Variants in TBK1 observed in about 807,000 individuals in gnomAD.
The protein encoded by TBK1 is TANK binding kinase 1, also known as serine/threonine-protein kinase TBK1.
A neutral mutation model predicts 99.9 loss-of-function variants in TBK1; 37 were observed. That is an observed-to-expected ratio of 0.37 (90% confidence interval 0.28 to 0.49). The LOEUF is 0.49. Among genes scored for constraint, TBK1 ranks in the 20% least tolerant of loss-of-function variants. The pLI is 0.98. For missense variants in TBK1, 644 were observed against 872.5 expected, an observed-to-expected ratio of 0.74 and a Z score of 3.30; for synonymous variants, 258 against 279.8, an observed-to-expected ratio of 0.92 and a Z score of 0.78.
chr12:64,481,227 A>G (rs2040764897), intron 7 of TBK1, among the ~76,000 whole-genome samples: 1 of 152,136 alleles, frequency 6.6e-6, no homozygotes, highest in Non-Finnish European at 1.5e-5. Context: ...GAAAATGAAC[A>G]CTTGCTGGTA....
chr12:64,481,126 AATATT>A (rs1468334403), intron 7 of TBK1, among the ~76,000 whole-genome samples: 1 of 152,160 alleles, frequency 6.6e-6, no homozygotes, highest in Non-Finnish European at 1.5e-5. Context: ...GTAGAAATTT[AATATT>A]ATAACTGTGA....
chr12:64,483,554 GTTA>G lies in TBK1; in HGVS notation c.993-743_993-741del, dbSNP rs2040788513. 3.3e-5 allele frequency among the ~76,000 whole-genome samples: 5 copies of G among 152,190 alleles called. No individual in the cohort carries two copies. In the South Asian group the frequency reaches 1.0e-3, roughly 32 times the overall value. On this transcript the variant is annotated intron_variant, in intron 8 of 20. Transcript: ENST00000331710. Reference sequence around the variant, plus strand: ...ACAACAATTCTGTGAAGTGGGTACTGTTATTATTTCCATTTTACTGATGAGGAA... The same window carrying G: ...ACAACAATTCTGTGAAGTGGGTACTGTTATTTCCATTTTACTGATGAGGAA...
intron 6 of TBK1, among the ~76,000 whole-genome samples, chr12:64,478,005 C>T (rs766753761): frequency 3.3e-5 from 5 of 152,238 alleles, no homozygotes; most frequent in Non-Finnish European, 5.9e-5. Context: ...CATGAGAAGG[C>T]CAGACCACAT....
intron 1 of TBK1, among the ~76,000 whole-genome samples, chr12:64,453,632 C>A (rs146253833): frequency 6.1e-4 from 93 of 152,314 alleles, no homozygotes; most frequent in African/African-American, 2.2e-3. Flanking sequence ...GTCATTAATT[C>A]ATCACAGAAT....
chr12:64,485,250 G>GA (rs1382586925), intron 9 of TBK1, among the ~76,000 whole-genome samples: 1 of 152,060 alleles, frequency 6.6e-6, no homozygotes, highest in Non-Finnish European at 1.5e-5. Context: ...TATATTTAAG[G>GA]AAAAAATGAA....
rs2040949036 is a variant in TBK1 at position 64,498,120 on chromosome 12, A to G, written c.2138+81A>G. 4.9e-6 allele frequency: 6 copies of G among 1,217,582 alleles called. No individual in the cohort carries two copies. The South Asian group carries it at 5.3e-5, about 11-fold the overall frequency. 75.4% of individuals were successfully genotyped at this position (1,217,582 alleles called of 1,614,324 possible). On this transcript the variant is annotated intron_variant, in intron 20 of 20. Coordinates refer to ENST00000331710, the MANE Select transcript of TBK1 (RefSeq NM_013254.4). ...TCTGTACTTATATCTTCCTGTATCAATAGATTCAGCAGTGGTAAAGGGTCA... is the reference window on the plus strand; with the variant it reads ...TCTGTACTTATATCTTCCTGTATCAGTAGATTCAGCAGTGGTAAAGGGTCA...
intron 13 of TBK1, among the ~76,000 whole-genome samples, chr12:64,495,010 CAG>C (rs1236371567): frequency 1.3e-5 from 2 of 152,156 alleles, no homozygotes; most frequent in East Asian, 3.8e-4. Flanking sequence ...TTAAAATGAA[CAG>C]AATCTTAGAT....
At position 64,480,130 on chromosome 12, in the gene TBK1, T is replaced by C; in HGVS notation, c.812+8T>C. ...TTCTTGCAGTCTTTCTCGGTAAGTA[T>C]GGTGTACCTAATTCTCATCTTTTGC... On this transcript the variant is annotated splice_region_variant and intron_variant, in intron 7 of 20. Transcript: ENST00000331710. 1.2e-6 allele frequency: 2 copies of C among 1,602,884 alleles called. No homozygotes were observed. The highest frequency in any genetic ancestry group is 2.2e-5 in the East Asian group (1 of 44,720).
chr12:64,492,815 T>C (rs1336244394), intron 13 of TBK1, among the ~76,000 whole-genome samples: 4 of 151,604 alleles, frequency 2.6e-5, no homozygotes, highest in African/African-American at 9.7e-5. Context: ...CTCCACCTCC[T>C]GGGTTCAAGT....
At chr12:64,496,134 G>C (rs2040922744) in intron 15 of TBK1, among the ~76,000 whole-genome samples, 1 of 152,054 alleles carries the variant, frequency 6.6e-6, no homozygotes, top group Non-Finnish European at 1.5e-5. Flanking sequence ...TAGAAATACA[G>C]AATTTGTTAG....
rs1565824235 is a variant in TBK1 at position 64,495,774 on chromosome 12, T to C, written c.1719T>C (p.Arg573=). 1 of 1,567,880 alleles carries C rather than the reference T, an allele frequency of 6.4e-7. No homozygotes were observed. The highest frequency in any genetic ancestry group is 8.6e-7 in the Non-Finnish European group (1 of 1,161,766). The change falls in exon 15 of 21, where the codon CGT becomes CGC. Residue 573 remains arginine (R), a splice_region_variant and synonymous_variant. Coordinates refer to ENST00000331710, the MANE Select transcript of TBK1 (RefSeq NM_013254.4). ...AGTTCAAAAAAGACAAAGCAGAACGTAGTAAGTAAAATTTGCTATTTGTTA... is the reference window on the plus strand; with the variant it reads ...AGTTCAAAAAAGACAAAGCAGAACGCAGTAAGTAAAATTTGCTATTTGTTA... ...YYQFKKDKAE[R]RLAYNEEQIH... is the part of the protein sequence containing the mutation.
At chr12:64,455,793 T>TC in intron 1 of TBK1, 47 bp from the exon 2 acceptor site, 2 of 940,366 alleles carry the variant, frequency 2.1e-6, no homozygotes, top group Non-Finnish European at 3.3e-6. Flanking sequence ...GTTTCTTAGC[T>TC]GTGTTACTCC....
intron 6 of TBK1, among the ~76,000 whole-genome samples, chr12:64,477,189 T>C (rs2040722456): frequency 6.6e-6 from 1 of 152,248 alleles, no homozygotes. Context: ...AATAGTTTTT[T>C]CTAATTCTGT....
At chr12:64,493,064 T>G (rs2040887365) in intron 13 of TBK1, among the ~76,000 whole-genome samples, 1 of 151,762 alleles carries the variant, frequency 6.6e-6, no homozygotes, top group Admixed American at 6.6e-5. Flanking sequence ...CCCGGCTAAT[T>G]TTTGCATTTT....
intron 8 of TBK1, 71 bp from the exon 9 acceptor site, chr12:64,484,232 C>G: frequency 1.1e-6 from 1 of 951,334 alleles, no homozygotes; most frequent in Non-Finnish European, 1.6e-6. Flanking sequence ...GATGTTGTTG[C>G]ACTCATTTAA....
rs150911124 is a variant in TBK1 at position 64,452,939 on chromosome 12, G to A, written c.-32+752G>A. Reference sequence around the variant, plus strand: ...AAACCCCAGTGTATGAATCACATAGGGGCAGAGTTTAGAAATCCTGGAACT... The same window carrying A: ...AAACCCCAGTGTATGAATCACATAGAGGCAGAGTTTAGAAATCCTGGAACT... On this transcript the variant is annotated intron_variant, in intron 1 of 20. Coordinates refer to ENST00000331710, the MANE Select transcript of TBK1 (RefSeq NM_013254.4). 2.3e-3 allele frequency: 344 copies of A among 152,248 alleles called. 1 individual carries two copies. The highest frequency in any genetic ancestry group is 7.9e-3 in the African/African-American group (328 of 41,536). 9.4% of individuals were successfully genotyped at this position (152,248 alleles called of 1,614,324 possible).
chr12:64,454,665 C>T (rs556806190), intron 1 of TBK1, among the ~76,000 whole-genome samples: 20 of 136,676 alleles, frequency 1.5e-4, no homozygotes, highest in African/African-American at 4.8e-4. Flanking sequence ...TTGCTAGAAA[C>T]TCAGATCTTT....
At chr12:64,499,420 T>G (rs1041430184) in intron 20 of TBK1, among the ~76,000 whole-genome samples, 5 of 152,144 alleles carry the variant, frequency 3.3e-5, no homozygotes, top group African/African-American at 9.7e-5. Flanking sequence ...ATTGAATGTA[T>G]AACATCTTTT....
intron 5 of TBK1, among the ~76,000 whole-genome samples, chr12:64,472,227 A>G (rs1195890590): frequency 6.6e-6 from 1 of 151,466 alleles, no homozygotes; most frequent in African/African-American, 2.4e-5. Flanking sequence ...TTCTCAAAAG[A>G]GTCTTTTTCC....
Sources: allele counts gnomAD v4.1 joint callset (sites outside exome capture counted in the v4.1 genomes callset), GRCh38; gene constraint gnomAD v4.1.1; transcripts MANE v1.5; gene names NCBI Gene and HGNC (gene_info 2026-07-23, HGNC 2026-07-21).